TTC7A: variants seen among roughly 807,000 people sequenced by gnomAD.
TTC7A encodes the protein tetratricopeptide repeat protein 7A.
In TTC7A, 110 loss-of-function variants were observed where a neutral mutation model predicts 103.7. The observed-to-expected ratio is 1.06, with a 90% confidence interval of 0.91 to 1.24. The LOEUF is 1.24. TTC7A is among the 50% of genes most tolerant of loss of function. The pLI is 0.00. For synonymous variants in TTC7A, 521 were observed against 467.9 expected (o/e 1.11, Z -1.47); for missense variants, 1,340 against 1,116.3 (o/e 1.20, Z -2.86).
At chr2:46,930,946 T>A (rs1215713088) in intron 2 of TTC7A, among the ~76,000 whole-genome samples, 2 of 152,270 alleles carry the variant, frequency 1.3e-5, no homozygotes, top group Non-Finnish European at 2.9e-5. Context: ...AAAGCTATCA[T>A]AATTTTGATG....
intron 5 of TTC7A, among the ~76,000 whole-genome samples, chr2:46,981,526 A>G (rs1674457794): frequency 6.6e-6 from 1 of 152,214 alleles, no homozygotes; most frequent in Admixed American, 6.5e-5. Flanking sequence ...GTAGGACAGT[A>G]GGAATCTGCA....
At chr2:46,957,826 C>G (rs551401802) in intron 3 of TTC7A, among the ~76,000 whole-genome samples, 2 of 152,322 alleles carry the variant, frequency 1.3e-5, no homozygotes, top group African/African-American at 4.8e-5. Flanking sequence ...GATCGTCTCC[C>G]TAGTGCAGCA....
Position 46,941,440 on chromosome 2 carries a change from GC to G in TTC7A, c.-97del. The G allele has an allele frequency of 7.8e-7, 1 of 1,275,606 alleles. No individual in the cohort carries two copies. 79.0% of individuals were successfully genotyped at this position (1,275,606 alleles called of 1,614,324 possible). On this transcript the variant is annotated 5_prime_UTR_variant, in exon 1 of 20. Transcript: ENST00000319190. The surrounding 1 kb of genome is among the most constrained non-coding windows in gnomAD (Gnocchi z 4.2). ...CGCCCGGGCCCCGGCTGCCGTCTGC[GC>G]CCCCGTCGACCCCGCCCGCGAGTGC...
At chr2:47,073,662 G>C (rs1268253501) in intron 19 of TTC7A, 40 bp from the exon 20 acceptor site, 10 of 1,586,726 alleles carry the variant, frequency 6.3e-6, no homozygotes, top group Non-Finnish European at 7.8e-6. Context: ...CCTGTGCCAT[G>C]GGACACCCCT....
intron 8 of TTC7A, among the ~76,000 whole-genome samples, chr2:47,004,916 G>T (rs1009766455): frequency 2.6e-5 from 4 of 152,144 alleles, no homozygotes. Flanking sequence ...ATAGAGGTGG[G>T]CAGAGGGGTG....
chr2:46,996,959 T>TGTG (rs1414879859), intron 8 of TTC7A, among the ~76,000 whole-genome samples: 11 of 145,382 alleles, frequency 7.6e-5, no homozygotes, highest in African/African-American at 2.8e-4. Context: ...GAGTTTTTTT[T>TGTG]GTGGTGGTTG....
intron 8 of TTC7A, among the ~76,000 whole-genome samples, chr2:47,003,264 C>G (rs973326757): frequency 2.0e-5 from 3 of 152,088 alleles, no homozygotes; most frequent in African/African-American, 4.8e-5. Context: ...ACTGGTGAAC[C>G]AGACGGGGGC....
At chr2:46,978,764 A>G (rs781463162) in intron 4 of TTC7A, 28 bp from the exon 5 acceptor site, 32 of 1,592,606 alleles carry the variant, frequency 2.0e-5, no homozygotes, top group Non-Finnish European at 2.7e-5. Flanking sequence ...CTTTGAGACA[A>G]TGGCTCTCTC....
At chr2:47,056,898 A>G (rs943534856) in intron 18 of TTC7A, among the ~76,000 whole-genome samples, 15 of 129,830 alleles carry the variant, frequency 1.2e-4, no homozygotes, top group Admixed American at 8.9e-4. Flanking sequence ...GTGTGCCCAA[A>G]TCTCTGACCC....
chr2:47,069,145 C>T (rs938891998), intron 19 of TTC7A, among the ~76,000 whole-genome samples: 16 of 152,054 alleles, frequency 1.1e-4, no homozygotes, highest in African/African-American at 3.6e-4. Context: ...GTAGAGGCCC[C>T]TACAGACCTA....
intron 8 of TTC7A, among the ~76,000 whole-genome samples, chr2:47,004,116 C>T (rs930369310): frequency 6.6e-6 from 1 of 152,212 alleles, no homozygotes; most frequent in Non-Finnish European, 1.5e-5. Context: ...GACTCCAGAG[C>T]TCAGCCTTGC....
At chr2:47,011,871 T>G (rs2104488748) in intron 11 of TTC7A, among the ~76,000 whole-genome samples, 1 of 152,378 alleles carries the variant, frequency 6.6e-6, no homozygotes, top group African/African-American at 2.4e-5. Context: ...TGGTCTTTTC[T>G]GTCAGCCCCT....
intron 3 of TTC7A, among the ~76,000 whole-genome samples, chr2:46,961,340 G>C (rs1015598548): frequency 6.6e-6 from 1 of 152,182 alleles, no homozygotes; most frequent in African/African-American, 2.4e-5. Flanking sequence ...ACATTGGGAG[G>C]CCGAGGTGGG....
chr2:46,942,039 C>G (rs1390600840), intron 1 of TTC7A, among the ~76,000 whole-genome samples: 3 of 152,348 alleles, frequency 2.0e-5, no homozygotes, highest in Admixed American at 1.3e-4. Flanking sequence ...CTCTGCCCCC[C>G]ACCGCGGTCC....
chr2:46,976,243 A>G (rs1673867339), intron 4 of TTC7A, among the ~76,000 whole-genome samples: 1 of 152,182 alleles, frequency 6.6e-6, no homozygotes, highest in Non-Finnish European at 1.5e-5. Flanking sequence ...TGTCATTCCC[A>G]TTTTACAAGT....
chr2:47,061,217 T>C lies in TTC7A; in HGVS notation c.2355+246T>C, dbSNP rs116007252. ...CAGGGTCTGTGTTGATGACAAAATC[T>C]AGAAGGTTTGGTTGATACTCTTTGT... On this transcript the variant is annotated intron_variant, in intron 19 of 19. Transcript: ENST00000319190. 7.4e-3 allele frequency among the ~76,000 whole-genome samples: 1,131 copies of C among 152,314 alleles called. 15 individuals carry two copies. The highest frequency in any genetic ancestry group is 0.026 in the African/African-American group (1,092 of 41,564).
chr2:47,004,156 C>G (rs558766000), intron 8 of TTC7A, among the ~76,000 whole-genome samples: 2 of 152,344 alleles, frequency 1.3e-5, no homozygotes, highest in East Asian at 1.9e-4. Context: ...GGCACCCTCT[C>G]CTGGGCCATC....
intron 5 of TTC7A, among the ~76,000 whole-genome samples, chr2:46,990,633 G>A (rs879282462): frequency 6.6e-6 from 1 of 152,176 alleles, no homozygotes; most frequent in Non-Finnish European, 1.5e-5. Flanking sequence ...TGTGCTTGGG[G>A]CCACATGTAT....
At chr2:47,038,479 T>C (rs1681377688) in intron 15 of TTC7A, among the ~76,000 whole-genome samples, 3 of 152,190 alleles carry the variant, frequency 2.0e-5, no homozygotes, top group African/African-American at 4.8e-5. Flanking sequence ...ACTCAGAGAA[T>C]AGCCTGCTTT....
Sources: gnomAD v4.1 joint callset for allele counts (sites outside exome capture counted in the v4.1 genomes callset) on GRCh38, gnomAD v4.1.1 for gene constraint, Gnocchi (gnomAD v3.1) non-coding constraint, MANE v1.5 for transcripts, NCBI Gene and HGNC (gene_info 2026-07-23, HGNC 2026-07-21) for gene names.